ZMYM4: variants seen among roughly 807,000 people sequenced by gnomAD.
ZMYM4 encodes zinc finger MYM-type containing 4.
Under a neutral mutation model 183.2 loss-of-function variants are expected in ZMYM4, and 31 were observed. The ratio of observed to expected loss-of-function variants is 0.17; its 90% CI spans 0.13 to 0.23. The LOEUF (loss-of-function observed/expected upper bound fraction) is 0.23. ZMYM4 is among the 10% of genes least tolerant of loss of function. ZMYM4 has a pLI of 1.00. For synonymous variants in ZMYM4, 592 were observed against 631.2 expected, an observed-to-expected ratio of 0.94 and a Z score of 0.93; for missense variants, 1,273 against 1,840.3, an observed-to-expected ratio of 0.69 and a Z score of 5.64.
chr1:35,323,166 T>C (rs1361020794), intron 1 of ZMYM4, among the ~76,000 whole-genome samples: 1 of 151,730 alleles, frequency 6.6e-6, no homozygotes, highest in Non-Finnish European at 1.5e-5. Context: ...CACGCCCAGC[T>C]AATTTTTGTA....
chr1:35,312,103 T>C (rs949719368), intron 1 of ZMYM4, among the ~76,000 whole-genome samples: 4 of 151,202 alleles, frequency 2.6e-5, no homozygotes, highest in Non-Finnish European at 4.4e-5. Flanking sequence ...TCTGTAGTTA[T>C]AAGTAATGTG....
chr1:35,388,414 A>G (rs1644628698), intron 13 of ZMYM4, among the ~76,000 whole-genome samples: 1 of 152,248 alleles, frequency 6.6e-6, no homozygotes, highest in Admixed American at 6.5e-5. Context: ...CATGTTGGCC[A>G]GGCTGGTCTC....
At chr1:35,352,267 GCGCACA>G (rs750233893) in intron 2 of ZMYM4, among the ~76,000 whole-genome samples, 6,827 of 78,232 alleles carry the variant, frequency 0.087, 264 homozygotes, top group Admixed American at 0.13. Context: ...GCACGCGCGC[GCGCACA>G]CACACACACA....
At chr1:35,316,686 C>CA (rs1160349147) in intron 1 of ZMYM4, among the ~76,000 whole-genome samples, 1 of 151,432 alleles carries the variant, frequency 6.6e-6, no homozygotes, top group Non-Finnish European at 1.5e-5. Context: ...AGAGAATTTG[C>CA]AAAAAAAGAT....
intron 7 of ZMYM4, among the ~76,000 whole-genome samples, chr1:35,374,289 C>T (rs1644286160): frequency 6.6e-6 from 1 of 152,020 alleles, no homozygotes; most frequent in African/African-American, 2.4e-5. Flanking sequence ...CCGCCTTGGC[C>T]TCCCAAAGTG....
intron 23 of ZMYM4, 31 bp downstream of exon 23, chr1:35,399,607 T>C: frequency 6.2e-7 from 1 of 1,609,902 alleles, no homozygotes; most frequent in Non-Finnish European, 8.5e-7. Flanking sequence ...TCTAGACTTT[T>C]CTTTCCTTCA....
Position 35,268,872 on chromosome 1 carries a change from A to G in ZMYM4, c.-175A>G, listed in dbSNP as rs929878122. The G allele has an allele frequency of 8.3e-6, 5 of 602,444 alleles. No homozygotes were observed. Among genetic ancestry groups the G allele is most frequent in the South Asian group, 1.6e-4 (2 of 12,866 alleles). The allele number at this position is 602,444 out of a possible 1,614,324, so 37.3% of individuals were successfully genotyped here. A position where few individuals can be genotyped will look rare whatever the true frequency, so the allele number is the denominator to read the frequency against. Reference sequence around the variant, plus strand: ...ACGCGCGGACCCGTGGGATCTCAGAAGCTGCGGCCCGGCGCGCGGCATCCG... The same window carrying G: ...ACGCGCGGACCCGTGGGATCTCAGAGGCTGCGGCCCGGCGCGCGGCATCCG... On this transcript the variant is annotated 5_prime_UTR_variant, in exon 1 of 30. Transcript: ENST00000314607.
chr1:35,273,263 A>G (rs542828072), intron 1 of ZMYM4, among the ~76,000 whole-genome samples: 1 of 152,182 alleles, frequency 6.6e-6, no homozygotes, highest in Non-Finnish European at 1.5e-5. Flanking sequence ...CGTTACAGCA[A>G]GCATCACACC....
chr1:35,368,777 G>A (rs1224551514), intron 5 of ZMYM4, among the ~76,000 whole-genome samples: 1 of 152,074 alleles, frequency 6.6e-6, no homozygotes, highest in African/African-American at 2.4e-5. Flanking sequence ...TGAATATGCG[G>A]AAACATTAAA....
At chr1:35,314,812 G>T (rs1222240612) in intron 1 of ZMYM4, among the ~76,000 whole-genome samples, 1 of 150,260 alleles carries the variant, frequency 6.7e-6, no homozygotes, top group African/African-American at 2.4e-5. Flanking sequence ...ATCACCTGAG[G>T]TCAGGAGTTC....
chr1:35,303,665 G>T (rs142270879), intron 1 of ZMYM4, among the ~76,000 whole-genome samples: 2 of 152,104 alleles, frequency 1.3e-5, no homozygotes, highest in African/African-American at 4.8e-5. Flanking sequence ...GAGCCACAGC[G>T]CCCAGCCTAT....
At chr1:35,346,660 A>C (rs967169945) in intron 2 of ZMYM4, among the ~76,000 whole-genome samples, 2 of 150,978 alleles carry the variant, frequency 1.3e-5, no homozygotes, top group African/African-American at 4.8e-5. Flanking sequence ...CAAAAAAAAA[A>C]AAAAAAAAAA....
Position 35,268,780 on chromosome 1 carries a change from C to G in ZMYM4, c.-267C>G, listed in dbSNP as rs1293087230. 6.6e-6 allele frequency among the ~76,000 whole-genome samples: 1 copy of G among 152,234 alleles called. No homozygotes were observed. Among genetic ancestry groups the G allele is most frequent in the African/African-American group, 2.4e-5 (1 of 41,474 alleles). ...AGAGAAAATAATCCTACTCACGGGG[C>G]CCCTTGGAGGCCATTAACCCCCCGA... On this transcript the variant is annotated 5_prime_UTR_variant, in exon 1 of 30. Transcript: ENST00000314607.
chr1:35,404,743 T>A (rs1644971223), intron 23 of ZMYM4: 3 of 225,720 alleles, frequency 1.3e-5, no homozygotes, highest in African/African-American at 6.8e-5. Context: ...TATTCATACC[T>A]CATCAGGTGA....
At chr1:35,370,221 A>C in intron 6 of ZMYM4, 108 bp downstream of exon 6, 1 of 1,488,662 alleles carries the variant, frequency 6.7e-7, no homozygotes, top group Non-Finnish European at 9.0e-7. Flanking sequence ...CCCACTTAGG[A>C]TGCCTTTAAA....
At chr1:35,270,151 T>A (rs1639522952) in intron 1 of ZMYM4, among the ~76,000 whole-genome samples, 1 of 152,178 alleles carries the variant, frequency 6.6e-6, no homozygotes, top group African/African-American at 2.4e-5. Context: ...TAACTCCTCC[T>A]AGAACCTATT....
intron 1 of ZMYM4, among the ~76,000 whole-genome samples, chr1:35,293,776 A>G (rs2148723791): frequency 6.6e-6 from 1 of 152,258 alleles, no homozygotes; most frequent in East Asian, 1.9e-4. Flanking sequence ...GGGTAGTGTC[A>G]TGGGAGCCCT....
chr1:35,302,222 T>G (rs75364200), intron 1 of ZMYM4, among the ~76,000 whole-genome samples: 7,082 of 129,154 alleles, frequency 0.055, 463 homozygotes, highest in East Asian at 0.38. Context: ...TTTTTTTTTT[T>G]TTTGTGACAG....
chr1:35,280,869 C>T (rs1316741262), intron 1 of ZMYM4, among the ~76,000 whole-genome samples: 1 of 152,150 alleles, frequency 6.6e-6, no homozygotes, highest in Non-Finnish European at 1.5e-5. Flanking sequence ...GAACTTTATT[C>T]CAAATGAAGT....
Sources: allele counts gnomAD v4.1 joint callset (sites outside exome capture counted in the v4.1 genomes callset), GRCh38; gene constraint gnomAD v4.1.1; transcripts MANE v1.5; gene names NCBI Gene and HGNC (gene_info 2026-07-23, HGNC 2026-07-21).